Variants in SMYD3 observed in about 807,000 individuals in gnomAD.
SMYD3 encodes SET and MYND domain containing 3, also known as histone-lysine N-methyltransferase SMYD3.
Under a neutral mutation model 57.7 loss-of-function variants are expected in SMYD3, and 36 were observed. The ratio of observed to expected loss-of-function variants is 0.62; its 90% CI spans 0.48 to 0.82. SMYD3 has a LOEUF of 0.82. SMYD3 is among the 40% of genes least tolerant of loss of function. The pLI is 0.00. For synonymous variants in SMYD3, 211 were observed against 195.0 expected, an observed-to-expected ratio of 1.08 and a Z score of -0.68; for missense variants, 515 against 538.8, an observed-to-expected ratio of 0.96 and a Z score of 0.44.
At chr1:245,856,572 C>T (rs1158827126) in intron 10 of SMYD3, among the ~76,000 whole-genome samples, 1 of 152,230 alleles carries the variant, frequency 6.6e-6, no homozygotes, top group Non-Finnish European at 1.5e-5. Flanking sequence ...GTCAGTCAAA[C>T]TGCCAGCTAC....
At chr1:245,813,013 T>C (rs1250816923) in intron 10 of SMYD3, among the ~76,000 whole-genome samples, 4 of 107,942 alleles carry the variant, frequency 3.7e-5, no homozygotes, top group Non-Finnish European at 5.6e-5. Flanking sequence ...TTCTTTTTTT[T>C]TTTTTTTTTT....
intron 5 of SMYD3, among the ~76,000 whole-genome samples, chr1:246,311,301 T>C (rs1413803686): frequency 6.6e-6 from 1 of 152,150 alleles, no homozygotes; most frequent in Non-Finnish European, 1.5e-5. Flanking sequence ...AAGTGACAAA[T>C]ATCATCCAAA....
chr1:246,409,877 G>A (rs550141730), intron 1 of SMYD3, among the ~76,000 whole-genome samples: 150 of 152,174 alleles, frequency 9.9e-4, no homozygotes, highest in African/African-American at 3.3e-3. Context: ...AGTTCTCCTT[G>A]AAGAGGTCCT....
At chr1:246,174,195 AT>A (rs1466364371) in intron 5 of SMYD3, among the ~76,000 whole-genome samples, 1 of 152,152 alleles carries the variant, frequency 6.6e-6, no homozygotes, top group Non-Finnish European at 1.5e-5. Flanking sequence ...CAACACAGTC[AT>A]TTCTTATCAC....
chr1:246,504,386 C>G (rs1178474535), intron 1 of SMYD3, among the ~76,000 whole-genome samples: 1 of 152,144 alleles, frequency 6.6e-6, no homozygotes, highest in Non-Finnish European at 1.5e-5. Context: ...TGCTCTGAGG[C>G]TATAAACCTG....
intron 5 of SMYD3, among the ~76,000 whole-genome samples, chr1:246,139,038 C>T (rs530768286): frequency 1.2e-4 from 19 of 152,232 alleles, no homozygotes; most frequent in Admixed American, 8.5e-4. Flanking sequence ...TGAATACTCT[C>T]AAGGAATCCT....
intron 5 of SMYD3, among the ~76,000 whole-genome samples, chr1:246,300,370 A>G (rs1384501301): frequency 2.6e-5 from 4 of 152,158 alleles, no homozygotes; most frequent in African/African-American, 9.7e-5. Context: ...GGGGACTTAG[A>G]TGTATTAAAG....
At chr1:245,866,045 CT>C (rs2051819208) in intron 8 of SMYD3, among the ~76,000 whole-genome samples, 1 of 152,192 alleles carries the variant, frequency 6.6e-6, no homozygotes, top group Non-Finnish European at 1.5e-5. Flanking sequence ...AGACATCCCC[CT>C]GGAGACTGTC....
chr1:246,270,827 C>T (rs2148545271), intron 5 of SMYD3, among the ~76,000 whole-genome samples: 1 of 152,294 alleles, frequency 6.6e-6, no homozygotes, highest in Middle Eastern at 3.4e-3. Flanking sequence ...CTTTTGGGTA[C>T]ATACACATAA....
At chr1:245,879,934 TAGCACAGGTGCGTTGCTGTACACAC>T (rs2052685387) in intron 8 of SMYD3, among the ~76,000 whole-genome samples, 1 of 152,084 alleles carries the variant, frequency 6.6e-6, no homozygotes, top group Non-Finnish European at 1.5e-5. Flanking sequence ...ACACCAGAGA[TAGCACAGGTGCGTTGCTGTACACAC>T]CAGAGATAGC....
chr1:245,858,610 G>C lies in SMYD3; in HGVS notation c.962C>G (p.Pro321Arg). The C allele has an allele frequency of 6.2e-7, 1 of 1,614,222 alleles. No individual in the cohort carries two copies. Among genetic ancestry groups the C allele is most frequent in the Non-Finnish European group, 8.5e-7 (1 of 1,180,036 alleles). ...CTTCAGCTGGTAGATGTTGATATCG[G>C]GAAGCCGTTCAGAATTGCTGCTTAT... ...AIISSNSERL[P>R]DINIYQLKVL... The change falls in exon 10 of 12, where the codon CCC (proline) becomes CGC (arginine). Residue 321 changes from proline to arginine, a missense_variant. Physicochemically the swap from Pro to Arg is moderately radical, Grantham distance 103 (BLOSUM62 -2). Coordinates refer to ENST00000490107, the MANE Select transcript of SMYD3 (RefSeq NM_001167740.2).
chr1:245,938,856 G>A lies in SMYD3; in HGVS notation c.532-8919C>T, dbSNP rs377405194. 7.9e-5 allele frequency among the ~76,000 whole-genome samples: 12 copies of A among 152,238 alleles called. No individual in the cohort carries two copies. In the East Asian group the frequency reaches 9.7e-4, roughly 12 times the overall value. On this transcript the variant is annotated intron_variant, in intron 5 of 11. Coordinates refer to ENST00000490107, the MANE Select transcript of SMYD3 (RefSeq NM_001167740.2). ...AACACCAGCATACTGCCCCTACACC[G>A]CTTCAGTGAGTTGCTGCAGCAATTT...
chr1:246,340,839 C>A (rs932723925), intron 2 of SMYD3, among the ~76,000 whole-genome samples: 3 of 152,106 alleles, frequency 2.0e-5, no homozygotes, highest in African/African-American at 7.2e-5. Flanking sequence ...GACATGATGG[C>A]ATGCACCTGT....
At chr1:246,383,025 A>G (rs189471412) in intron 1 of SMYD3, among the ~76,000 whole-genome samples, 342 of 151,676 alleles carry the variant, frequency 2.3e-3, no homozygotes, top group African/African-American at 7.5e-3. Flanking sequence ...CTAGTCCTTC[A>G]AACCCAAGAT....
At chr1:245,769,877 G>T (rs891004214) in intron 10 of SMYD3, among the ~76,000 whole-genome samples, 2 of 152,110 alleles carry the variant, frequency 1.3e-5, no homozygotes, top group East Asian at 1.9e-4. Context: ...GGTATCGCTG[G>T]GTTATAAATC....
intron 5 of SMYD3, among the ~76,000 whole-genome samples, chr1:246,164,255 T>C (rs1196040837): frequency 6.6e-6 from 1 of 152,148 alleles, no homozygotes; most frequent in East Asian, 1.9e-4. Context: ...ACCCTGTCTC[T>C]ACTAAAAATA....
intron 10 of SMYD3, among the ~76,000 whole-genome samples, chr1:245,833,073 A>AAAAAAC: frequency 1.6e-5 from 2 of 128,668 alleles, no homozygotes; most frequent in Non-Finnish European, 1.6e-5. Flanking sequence ...AAAAAAAAAA[A>AAAAAAC]AACCTGCTTT....
At chr1:245,848,042 A>G (rs1248392184) in intron 10 of SMYD3, among the ~76,000 whole-genome samples, 1 of 152,086 alleles carries the variant, frequency 6.6e-6, no homozygotes, top group Non-Finnish European at 1.5e-5. Flanking sequence ...TGTGGCTTCC[A>G]TCTTATTCCA....
At chr1:246,000,855 G>A (rs2148148113) in intron 5 of SMYD3, among the ~76,000 whole-genome samples, 1 of 152,302 alleles carries the variant, frequency 6.6e-6, no homozygotes, top group Middle Eastern at 3.4e-3. Context: ...ATTTGCTAAA[G>A]CCACATCTTG....
Sources: gnomAD v4.1 joint callset for allele counts (sites outside exome capture counted in the v4.1 genomes callset) on GRCh38, gnomAD v4.1.1 for gene constraint, MANE v1.5 for transcripts, NCBI Gene and HGNC (gene_info 2026-07-23, HGNC 2026-07-21) for gene names.